The following DTNB variants were observed in gnomAD, a reference collection of about 807,000 sequenced individuals.
DTNB encodes the protein dystrobrevin beta, also known as DTN-B.
Under a neutral mutation model 90.7 loss-of-function variants are expected in DTNB, and 63 were observed. That is an observed-to-expected ratio of 0.69 (90% CI 0.57 to 0.86). The LOEUF (loss-of-function observed/expected upper bound fraction) is 0.86. Ranked by LOEUF, DTNB falls within the 40% of genes least tolerant of loss-of-function variation. DTNB has a pLI of 0.00. For synonymous variants in DTNB, 277 were observed against 286.7 expected, an observed-to-expected ratio of 0.97 and a Z score of 0.34; for missense variants, 744 against 807.1, an observed-to-expected ratio of 0.92 and a Z score of 0.95.
chr2:25,502,816 G>A (rs1211759322), intron 9 of DTNB, among the ~76,000 whole-genome samples: 4 of 149,276 alleles, frequency 2.7e-5, no homozygotes, highest in Non-Finnish European at 5.9e-5. Context: ...AACCCAGGAC[G>A]CAGAGTTTGC....
intron 2 of DTNB, among the ~76,000 whole-genome samples, chr2:25,641,446 T>C (rs1219078535): frequency 6.6e-6 from 1 of 152,102 alleles, no homozygotes; most frequent in Non-Finnish European, 1.5e-5. Context: ...TCAAAGGATA[T>C]TTTATTTTAT....
At chr2:25,658,595 A>G (rs1441541525) in intron 1 of DTNB, among the ~76,000 whole-genome samples, 1 of 152,268 alleles carries the variant, frequency 6.6e-6, no homozygotes, top group African/African-American at 2.4e-5. Flanking sequence ...TAAAAAGAAC[A>G]AAGTATCAAG....
chr2:25,501,738 T>C lies in DTNB; in HGVS notation c.1002-18865A>G, dbSNP rs113602173. Among the ~76,000 whole-genome samples, 623 of 152,312 alleles carry C rather than the reference T, an allele frequency of 4.1e-3. 3 individuals are homozygous for C. The highest frequency in any genetic ancestry group is 0.014 in the African/African-American group (592 of 41,562). On this transcript the variant is annotated intron_variant, in intron 9 of 20. Coordinates refer to ENST00000406818, the MANE Select transcript of DTNB (RefSeq NM_021907.5). ...ACTAAAGAGAATGAAGGAGAGGCGA[T>C]AGTATCTAAACAGACAATGGCTGAA...
intron 16 of DTNB, among the ~76,000 whole-genome samples, chr2:25,389,095 G>A (rs549072901): frequency 2.0e-5 from 3 of 152,270 alleles, no homozygotes; most frequent in East Asian, 1.9e-4. Flanking sequence ...CAATCTGCTC[G>A]CCTTCGCCTC....
intron 3 of DTNB, among the ~76,000 whole-genome samples, chr2:25,634,644 G>T (rs1322687735): frequency 2.6e-5 from 3 of 115,476 alleles, no homozygotes; most frequent in Non-Finnish European, 6.1e-5. Flanking sequence ...AGATTGAGAG[G>T]TTGGATGGTT....
Position 25,585,346 on chromosome 2 carries a change from A to C in DTNB, c.604-4520T>G, listed in dbSNP as rs560360701. ...TAACAGCTGCCTGATCCACTGAGCG[A>C]AACCACCATGATTTATGCCTCCCTC... is the stretch of plus-strand genomic sequence containing the variant. On this transcript the variant is annotated intron_variant, in intron 6 of 20. Transcript: ENST00000406818. Among the ~76,000 whole-genome samples the C allele has an allele frequency of 2.1e-4, 32 of 152,306 alleles. 1 individual carries two copies. The highest frequency in any genetic ancestry group is 7.7e-4 in the African/African-American group (32 of 41,566).
At chr2:25,498,752 G>A (rs1351042949) in intron 9 of DTNB, among the ~76,000 whole-genome samples, 1 of 150,932 alleles carries the variant, frequency 6.6e-6, no homozygotes, top group African/African-American at 2.4e-5. Flanking sequence ...GGAGGCTGAG[G>A]TGGGAGGATT....
intron 16 of DTNB, among the ~76,000 whole-genome samples, chr2:25,402,050 G>A (rs1395123989): frequency 3.3e-5 from 5 of 152,230 alleles, no homozygotes; most frequent in African/African-American, 1.2e-4. Context: ...ACTGGGATAT[G>A]TAGAGAACAG....
chr2:25,419,600 G>T, intron 15 of DTNB, 65 bp from the exon 16 acceptor site: 1 of 1,524,310 alleles, frequency 6.6e-7, no homozygotes, highest in Non-Finnish European at 8.9e-7. Context: ...GCCCATTAAT[G>T]CCCATCACCA....
At chr2:25,406,402 G>A (rs1391308354) in intron 16 of DTNB, among the ~76,000 whole-genome samples, 1 of 152,014 alleles carries the variant, frequency 6.6e-6, no homozygotes, top group Admixed American at 6.6e-5. Flanking sequence ...AGGTGTGGTG[G>A]TGCATGCCTG....
At chr2:25,385,402 C>T (rs2039192025) in intron 18 of DTNB, among the ~76,000 whole-genome samples, 1 of 152,194 alleles carries the variant, frequency 6.6e-6, no homozygotes, top group South Asian at 2.1e-4. Context: ...GAGAAATTGG[C>T]ACCCTCACAT....
At chr2:25,473,616 T>C (rs2063218597) in intron 10 of DTNB, among the ~76,000 whole-genome samples, 1 of 152,152 alleles carries the variant, frequency 6.6e-6, no homozygotes, top group Admixed American at 6.5e-5. Flanking sequence ...CTACTGGTCA[T>C]TTGTTGGCTC....
chr2:25,555,985 G>A (rs1003970297), intron 8 of DTNB, among the ~76,000 whole-genome samples: 7 of 152,072 alleles, frequency 4.6e-5, no homozygotes, highest in South Asian at 2.1e-4. Context: ...GTGCCATTGC[G>A]CTCCAGCTTG....
intron 8 of DTNB, among the ~76,000 whole-genome samples, chr2:25,568,636 C>T (rs2059386409): frequency 6.6e-6 from 1 of 152,174 alleles, no homozygotes; most frequent in Admixed American, 6.5e-5. Flanking sequence ...ATAATAATCA[C>T]TATGGTTAAA....
intron 18 of DTNB, 98 bp from the exon 19 acceptor site, chr2:25,383,987 C>G: frequency 6.3e-7 from 1 of 1,596,222 alleles, no homozygotes; most frequent in Non-Finnish European, 8.5e-7. Context: ...GGAGGAAACT[C>G]TAGCTAACAG....
chr2:25,633,348 T>G (rs2076200587), intron 3 of DTNB, among the ~76,000 whole-genome samples: 1 of 152,134 alleles, frequency 6.6e-6, no homozygotes, highest in Non-Finnish European at 1.5e-5. Flanking sequence ...ATTTTTTTGG[T>G]GGAGACGGGG....
chr2:25,663,957 C>G (rs184783119), intron 1 of DTNB, among the ~76,000 whole-genome samples: 16 of 152,146 alleles, frequency 1.1e-4, no homozygotes, highest in Admixed American at 9.8e-4. Flanking sequence ...TATTATTAAC[C>G]TTAATAAAAT....
intron 5 of DTNB, among the ~76,000 whole-genome samples, chr2:25,603,950 C>A (rs1180842062): frequency 1.3e-5 from 2 of 152,152 alleles, no homozygotes; most frequent in African/African-American, 4.8e-5. Flanking sequence ...GGGAAAGGTT[C>A]TGAAAATAGC....
intron 9 of DTNB, among the ~76,000 whole-genome samples, chr2:25,526,389 AT>A (rs2077150792): frequency 1.7e-5 from 1 of 58,804 alleles, no homozygotes; most frequent in Non-Finnish European, 3.0e-5. Context: ...ATATATATAT[AT>A]ATATATTTTT....
Sources: allele counts gnomAD v4.1 joint callset (sites outside exome capture counted in the v4.1 genomes callset), GRCh38; gene constraint gnomAD v4.1.1; transcripts MANE v1.5; gene names NCBI Gene and HGNC (gene_info 2026-07-23, HGNC 2026-07-21).